Variants in RUNX1 observed in about 807,000 individuals in gnomAD.
RUNX1 encodes runt-related transcription factor 1.
A neutral mutation model predicts 42.8 loss-of-function variants in RUNX1; 19 were observed. The ratio of observed to expected loss-of-function variants is 0.44; its 90% confidence interval spans 0.31 to 0.65. The LOEUF is 0.65. Among genes scored for constraint, RUNX1 ranks in the 30% least tolerant of loss-of-function variants. The probability of loss-of-function intolerance (pLI) is 0.07; values close to 1 mark genes in which losing one functional copy is unlikely to be tolerated. For synonymous variants in RUNX1, 271 were observed against 289.4 expected, an observed-to-expected ratio of 0.94 and a Z score of 0.64; for missense variants, 528 against 672.0, an observed-to-expected ratio of 0.79 and a Z score of 2.37.
chr21:34,951,359 T>C (rs762207149), intron 2 of RUNX1, among the ~76,000 whole-genome samples: 30 of 152,350 alleles, frequency 2.0e-4, no homozygotes, highest in Non-Finnish European at 2.4e-4. Context: ...GGAAGCTCTT[T>C]AGTTTAATTA....
chr21:35,009,478 G>A (rs1335286993), intron 2 of RUNX1, among the ~76,000 whole-genome samples: 5 of 152,164 alleles, frequency 3.3e-5, no homozygotes, highest in East Asian at 1.9e-4. Context: ...ATTACACTCC[G>A]GTCAATGCAA....
chr21:34,952,468 A>G (rs931217411), intron 2 of RUNX1, among the ~76,000 whole-genome samples: 4 of 152,158 alleles, frequency 2.6e-5, no homozygotes, highest in Non-Finnish European at 4.4e-5. Context: ...GGGGTACCTG[A>G]GGTGGCAATT....
At chr21:34,920,849 T>C (rs985431030) in intron 2 of RUNX1, among the ~76,000 whole-genome samples, 59 of 152,054 alleles carry the variant, frequency 3.9e-4, no homozygotes, top group African/African-American at 1.4e-3. Flanking sequence ...ATTTTAACAA[T>C]TGTATTTTTG....
intron 4 of RUNX1, among the ~76,000 whole-genome samples, chr21:34,881,682 C>G (rs910278253): frequency 3.3e-5 from 5 of 152,134 alleles, no homozygotes; most frequent in African/African-American, 1.2e-4. Context: ...GAAGTCTTAT[C>G]AGGGCTATTG....
In RUNX1 at chr21:34,919,804, C is replaced by T. The variant is rs773605940; in HGVS notation, c.59-26841G>A. On this transcript the variant is annotated intron_variant, in intron 2 of 8. Coordinates refer to ENST00000675419, the MANE Select transcript of RUNX1 (RefSeq NM_001754.5). ...AAATAACGATTGTAGGACATTAGAA[C>T]GAACTATTTCAGATGAAACTTTTCC... Among the ~76,000 whole-genome samples the T allele has an allele frequency of 5.3e-5, 8 of 152,138 alleles. No individual in the cohort carries two copies. In the East Asian group the frequency reaches 5.8e-4, roughly 11 times the overall value.
chr21:34,800,300 A>C (rs969857169), intron 7 of RUNX1, among the ~76,000 whole-genome samples: 2 of 152,254 alleles, frequency 1.3e-5, no homozygotes. Context: ...TACTGTTTGC[A>C]GATGAAAAGG....
intron 2 of RUNX1, among the ~76,000 whole-genome samples, chr21:35,046,327 T>G (rs761437881): frequency 5.9e-5 from 9 of 152,196 alleles, no homozygotes; most frequent in Non-Finnish European, 1.0e-4. Flanking sequence ...TCCCCCCAAT[T>G]TCCACATGGG....
At chr21:34,912,016 T>C (rs2146525890) in intron 2 of RUNX1, among the ~76,000 whole-genome samples, 1 of 152,062 alleles carries the variant, frequency 6.6e-6, no homozygotes, top group East Asian at 1.9e-4. Context: ...ATTTGATTTC[T>C]GTGTTTATGT....
At chr21:34,906,706 A>G (rs2058222771) in intron 2 of RUNX1, among the ~76,000 whole-genome samples, 1 of 152,196 alleles carries the variant, frequency 6.6e-6, no homozygotes, top group African/African-American at 2.4e-5. Context: ...TTTCATAGAC[A>G]ATGACTTTCC....
At chr21:34,955,213 T>C (rs910412172) in intron 2 of RUNX1, among the ~76,000 whole-genome samples, 7 of 152,040 alleles carry the variant, frequency 4.6e-5, no homozygotes, top group Non-Finnish European at 7.4e-5. Context: ...TCCAGATCTT[T>C]GTGGGTGGGA....
At chr21:34,943,436 T>C (rs2058542678) in intron 2 of RUNX1, among the ~76,000 whole-genome samples, 1 of 152,224 alleles carries the variant, frequency 6.6e-6, no homozygotes, top group Non-Finnish European at 1.5e-5. Context: ...GGATCTTTAC[T>C]ATCCTCTTGG....
At chr21:34,856,484 G>C in intron 6 of RUNX1, 1 of 518,124 alleles carries the variant, frequency 1.9e-6, no homozygotes, top group East Asian at 5.4e-5. Context: ...AGACAGTATG[G>C]TATGGATAGA....
At position 34,942,144 on chromosome 21, in the gene RUNX1, C is replaced by G. The variant is rs144753134; in HGVS notation, c.59-49181G>C. Among the ~76,000 whole-genome samples, 1,066 of 152,176 alleles carry G rather than the reference C, an allele frequency of 7.0e-3. 4 individuals carry two copies. The highest frequency in any genetic ancestry group is 0.017 in the Middle Eastern group (5 of 294). ...AATGGGATATTTAGAAATCATTCCC[C>G]GAGGTTCCGCCTATGTTGGAGTGAG... is the stretch of plus-strand genomic sequence containing the variant. On this transcript the variant is annotated intron_variant, in intron 2 of 8. Coordinates refer to ENST00000675419, the MANE Select transcript of RUNX1 (RefSeq NM_001754.5).
chr21:35,018,946 C>T (rs1157204234), intron 2 of RUNX1, among the ~76,000 whole-genome samples: 1 of 152,218 alleles, frequency 6.6e-6, no homozygotes, highest in African/African-American at 2.4e-5. Flanking sequence ...TCTCCAAGCA[C>T]CCTCAGCCAA....
intron 2 of RUNX1, among the ~76,000 whole-genome samples, chr21:34,906,397 G>A (rs1179009570): frequency 1.3e-5 from 2 of 152,214 alleles, no homozygotes; most frequent in Non-Finnish European, 2.9e-5. Flanking sequence ...TATAACAACT[G>A]AGCAAATTTT....
intron 2 of RUNX1, among the ~76,000 whole-genome samples, chr21:34,978,223 C>G (rs1364978573): frequency 6.6e-6 from 1 of 152,202 alleles, no homozygotes; most frequent in African/African-American, 2.4e-5. Context: ...CAGGCATGAG[C>G]CACCGCGCCC....
At chr21:35,014,641 C>T (rs146949473) in intron 2 of RUNX1, among the ~76,000 whole-genome samples, 1 of 152,328 alleles carries the variant, frequency 6.6e-6, no homozygotes, top group East Asian at 1.9e-4. Flanking sequence ...AACCACTGCC[C>T]CATAGTTTTT....
At chr21:34,856,613 C>T (rs2057498221) in intron 6 of RUNX1, among the ~76,000 whole-genome samples, 1 of 152,154 alleles carries the variant, frequency 6.6e-6, no homozygotes, top group Non-Finnish European at 1.5e-5. Context: ...CTAGGCAAAC[C>T]GTTTCATTTT....
At chr21:34,876,599 A>G (rs901970091) in intron 5 of RUNX1, among the ~76,000 whole-genome samples, 2 of 152,158 alleles carry the variant, frequency 1.3e-5, no homozygotes, top group African/African-American at 4.8e-5. Flanking sequence ...AAGCCTTCCA[A>G]AGGATTTTCA....
Sources: allele counts gnomAD v4.1 joint callset (sites outside exome capture counted in the v4.1 genomes callset), GRCh38; gene constraint gnomAD v4.1.1; transcripts MANE v1.5; gene names NCBI Gene and HGNC (gene_info 2026-07-23, HGNC 2026-07-21).